WNK4: variants seen among roughly 807,000 people sequenced by gnomAD.
The protein encoded by WNK4 is serine/threonine-protein kinase WNK4.
WNK4 carries 94 observed loss-of-function variants against 116.2 expected under a neutral mutation model. The ratio of observed to expected loss-of-function variants is 0.81; its 90% CI spans 0.68 to 0.96. The LOEUF (loss-of-function observed/expected upper bound fraction) is 0.96. Among genes scored for constraint, WNK4 ranks in the 40% least tolerant of loss-of-function variants. WNK4 has a pLI of 0.00. For synonymous variants in WNK4, 655 were observed against 672.7 expected, an observed-to-expected ratio of 0.97 and a Z score of 0.41; for missense variants, 1,542 against 1,650.6, an observed-to-expected ratio of 0.93 and a Z score of 1.14.
Position 42,787,876 on chromosome 17 carries a change from G to T in WNK4, c.1840G>T (p.Glu614Ter). ...PPGGVPSSLA[E>*]SHLCLPSAFA... ...TGGGGGGGTGCCATCCAGCCTGGCT[G>T]AGTCCCATCTCTGCCTGCCCTCGGT... The change falls in exon 8 of 19, where the codon GAG becomes TAG. Residue 614 changes from glutamate to a stop codon, truncating the protein, a stop_gained. Transcript: ENST00000246914. LOFTEE classifies it high-confidence loss of function. 6.2e-7 allele frequency: 1 copy of T among 1,611,188 alleles called. No homozygotes were observed.
At chr17:42,788,483 C>A in intron 10 of WNK4, 76 bp downstream of exon 10, 1 of 1,479,432 alleles carries the variant, frequency 6.8e-7, no homozygotes, top group Non-Finnish European at 9.4e-7. Flanking sequence ...CGGGGGAGGT[C>A]ACCCAGAAAA....
intron 1 of WNK4, 70 bp downstream of exon 1, chr17:42,781,386 G>A (rs2054482210): frequency 1.2e-6 from 2 of 1,600,542 alleles, no homozygotes; most frequent in Non-Finnish European, 1.7e-6. Context: ...ACAGACAGAG[G>A]GTGGGGGAGA....
Position 42,795,873 on chromosome 17 carries a change from G to A in WNK4, c.3271G>A (p.Gly1091Arg). 1.2e-6 allele frequency: 2 copies of A among 1,612,480 alleles called. No individual in the cohort carries two copies. The highest frequency in any genetic ancestry group is 1.7e-6 in the Non-Finnish European group (2 of 1,179,042). Residue 1091 changes from glycine (G) to arginine (R), a missense_variant, in exon 16 of 19, where the codon GGG (glycine) becomes AGG (arginine). Gly to Arg is a moderately radical substitution (Grantham distance 125). Around this residue, in one of 7 missense-constraint regions of WNK4, gnomAD observed 292 missense variants for 290.1 expected, o/e 1.01. Coordinates refer to ENST00000246914, the MANE Select transcript of WNK4 (RefSeq NM_032387.5). ...GAGVEEEGDD[G>R]KEPQVGGSPQ... ...TGGAGTTGAGGAGGAAGGAGATGAT[G>A]GGAAGGAACCCCAAGTTGGGGGCAG...
Position 42,784,150 on chromosome 17 carries a change from T to C in WNK4, c.1005T>C (p.Ser335=). The C allele has an allele frequency of 6.2e-7, 1 of 1,605,380 alleles. No individual in the cohort carries two copies. The highest frequency in any genetic ancestry group is 2.2e-5 in the East Asian group (1 of 44,862). The change falls in exon 3 of 19, where the codon AGT becomes AGC. Residue 335 remains serine, a synonymous_variant. Transcript: ENST00000246914. The surrounding 1 kb of genome is among the most constrained non-coding windows in gnomAD (Gnocchi z 4.4). The part of the protein sequence containing the change: ...ATLKRASFAK[S]VIGTPEFMAP... ...TCAAGCGCGCCTCCTTTGCCAAGAGTGTCATCGGTGCGTCTCTCCAGGAGG... is the reference window on the plus strand; with the variant it reads ...TCAAGCGCGCCTCCTTTGCCAAGAGCGTCATCGGTGCGTCTCTCCAGGAGG...
In WNK4 at chr17:42,796,593, A is replaced by C; in HGVS notation, c.3729+15A>C. On this transcript the variant is annotated intron_variant, in intron 18 of 18. Transcript: ENST00000246914. ...TTGGCAGGATGGTGAGGGCGGGCCC[A>C]AGGGAGGGAGAGCCCAGGGAATGGT... 1 of 1,614,206 alleles carries C rather than the reference A, an allele frequency of 6.2e-7. No individual in the cohort carries two copies. The highest frequency in any genetic ancestry group is 8.5e-7 in the Non-Finnish European group (1 of 1,180,022).
rs184487670 is a variant in WNK4, at chr17:42,793,207, G to A, written c.2158-385G>A. Among the ~76,000 whole-genome samples, 180 of 152,188 alleles carry A rather than the reference G, an allele frequency of 1.2e-3. 2 individuals are homozygous for A. The highest frequency in any genetic ancestry group is 4.1e-3 in the East Asian group (21 of 5,182). ...TGGTGGTTGGCAGGAGCAGTAGTGT[G>A]AAGGGTGGATTTTTTATTTTTATTT... is the stretch of plus-strand genomic sequence containing the variant. On this transcript the variant is annotated intron_variant, in intron 11 of 18. Coordinates refer to ENST00000246914, the MANE Select transcript of WNK4 (RefSeq NM_032387.5).
At position 42,795,804 on chromosome 17, in the gene WNK4, G is replaced by T. The variant is rs1369972726; in HGVS notation, c.3202G>T (p.Glu1068Ter). The change falls in exon 16 of 19, where the codon GAA (glutamate) becomes TAA (stop). Residue 1068 changes from glutamate (E) to a stop codon, truncating the protein, a stop_gained. Transcript: ENST00000246914. LOFTEE classifies it high-confidence loss of function. ...DSAGGGPETR[E>*]ALAESDRAAE... ...TGCTGGAGGCGGGCCAGAGACCAGG[G>T]AAGCTCTGGCTGAGAGCGACCGTGC... 1 of 1,613,884 alleles carries T rather than the reference G, an allele frequency of 6.2e-7. No homozygotes were observed. The highest frequency in any genetic ancestry group is 8.5e-7 in the Non-Finnish European group (1 of 1,180,026).
intron 11 of WNK4, among the ~76,000 whole-genome samples, chr17:42,792,763 C>A (rs572211282): frequency 1.3e-5 from 2 of 152,294 alleles, no homozygotes; most frequent in African/African-American, 4.8e-5. Context: ...AATAAGTATT[C>A]ATGGATTTGA....
rs748262281 is a variant in WNK4 at position 42,787,913 on chromosome 17, G to A, written c.1863+14G>A. 1.1e-5 allele frequency: 17 copies of A among 1,607,958 alleles called. No individual in the cohort carries two copies. The highest frequency in any genetic ancestry group is 2.7e-5 in the African/African-American group (2 of 74,900). ...TGCCTGCCCTCGGTGAGAGGGGGTC[G>A]CATGGGGGGCTCCCAGCCATTCCAA... On this transcript the variant is annotated intron_variant, in intron 8 of 18. Transcript: ENST00000246914.
At position 42,784,211 on chromosome 17, in the gene WNK4, G is replaced by T; in HGVS notation, c.1012+54G>T. 1.3e-6 allele frequency: 2 copies of T among 1,597,980 alleles called. No homozygotes were observed. Among genetic ancestry groups the T allele is most frequent in the South Asian group, 1.1e-5 (1 of 90,876 alleles). ...TTCCTTCCTCCCCCACCTCAGAAGA[G>T]AACCTGGGGACTCCCTCCCCTCAGC... On this transcript the variant is annotated intron_variant, in intron 3 of 18. Transcript: ENST00000246914. This position sits in a 1 kb window ranked among gnomAD's most constrained non-coding sequence, Gnocchi z 4.4.
chr17:42,785,423 G>A lies in WNK4; in HGVS notation c.1417G>A (p.Ala473Thr), dbSNP rs2054537256. The A allele has an allele frequency of 6.4e-7, 1 of 1,563,668 alleles. No individual in the cohort carries two copies. The highest frequency in any genetic ancestry group is 8.7e-7 in the Non-Finnish European group (1 of 1,153,676). The change falls in exon 6 of 19, where the codon GCC (alanine) becomes ACC (threonine). Residue 473 changes from alanine to threonine, a missense_variant. Around this residue, in one of 7 missense-constraint regions of WNK4, gnomAD observed 808 missense variants for 873.6 expected, o/e 0.92. Transcript: ENST00000246914. ...RRGGRPRDNQ[A>T]IEFLFQLGRD... ...CGGGGGGCGCCCACGGGACAACCAG[G>A]CCATCGAGTTCCTGTTCCAGCTGGG...
rs776938557 is a variant in WNK4, at chr17:42,784,001, CGG to C, written c.859_860del (p.Gly287ThrfsTer67). 2 of 1,614,068 alleles carry C rather than the reference CGG, an allele frequency of 1.2e-6. No individual in the cohort carries two copies. Among genetic ancestry groups the C allele is most frequent in the South Asian group, 2.2e-5 (2 of 91,080 alleles). ...VLQRWSRQILRGLHFLHSRVP... is the reference protein window; with the variant it reads ...VLQRWSRQILXGLHFLHSRVP... ...TCAGCGCTGGAGCCGCCAAATCCTG[CGG>C]GGACTTCATTTCCTACACTCCCGGG... On this transcript the variant is annotated frameshift_variant, in exon 3 of 19. Transcript: ENST00000246914. LOFTEE classifies it high-confidence loss of function. The surrounding 1 kb of genome is among the most constrained non-coding windows in gnomAD (Gnocchi z 4.4).
chr17:42,795,610 CTCG>C lies in WNK4; in HGVS notation c.3023-11_3023-9del. Reference sequence around the variant, plus strand: ...GCTCTCCTTTCCTCATGCCTTCTTCCTCGTCGCCCTACAGAGGGAAAGCCGCAG... The same window carrying C: ...GCTCTCCTTTCCTCATGCCTTCTTCCTCGCCCTACAGAGGGAAAGCCGCAG... On this transcript the variant is annotated splice_polypyrimidine_tract_variant and intron_variant, in intron 15 of 18. Transcript: ENST00000246914. 1 of 1,614,088 alleles carries C rather than the reference CTCG, an allele frequency of 6.2e-7. No homozygotes were observed. Among genetic ancestry groups the C allele is most frequent in the South Asian group, 1.1e-5 (1 of 91,086 alleles).
chr17:42,787,777 G>A lies in WNK4; in HGVS notation c.1742-1G>A, dbSNP rs753483211. ...TTTTGATCCTCTCCCTCCCCAACCA[G>A]CGGATTGCGAGACTGATGGCTACCT... On this transcript the variant is annotated splice_acceptor_variant, in intron 7 of 18. Coordinates refer to ENST00000246914, the MANE Select transcript of WNK4 (RefSeq NM_032387.5). LOFTEE classifies it high-confidence loss of function. 1 of 1,611,798 alleles carries A rather than the reference G, an allele frequency of 6.2e-7. No individual in the cohort carries two copies. The highest frequency in any genetic ancestry group is 8.5e-7 in the Non-Finnish European group (1 of 1,180,008).
Position 42,785,134 on chromosome 17 carries a change from C to T in WNK4, c.1208C>T (p.Pro403Leu). 1 of 1,613,886 alleles carries T rather than the reference C, an allele frequency of 6.2e-7. No individual in the cohort carries two copies. The highest frequency in any genetic ancestry group is 8.5e-7 in the Non-Finnish European group (1 of 1,179,946). Residue 403 changes from proline to leucine, a missense_variant, in exon 5 of 19, where the codon CCC (proline) becomes CTC (leucine). Physicochemically the swap from Pro to Leu is moderately conservative, Grantham distance 98 (BLOSUM62 -3). Around this residue, in one of 7 missense-constraint regions of WNK4, gnomAD observed 808 missense variants for 873.6 expected, o/e 0.92. Coordinates refer to ENST00000246914, the MANE Select transcript of WNK4 (RefSeq NM_032387.5). ...KPNSFHKVKI[P>L]EVKEIIEGCI... Reference sequence around the variant, plus strand: ...AACAGCTTCCACAAGGTGAAGATACCCGAGGTGAAGGAGATCATTGAAGGC... The same window carrying T: ...AACAGCTTCCACAAGGTGAAGATACTCGAGGTGAAGGAGATCATTGAAGGC...
chr17:42,785,078 C>T lies in WNK4; in HGVS notation c.1171-19C>T. ...CTGGGGATCAGAGGACGGGAGGTGT[C>T]ATGCAACCCCTTCCCCAGGGCAGAA... On this transcript the variant is annotated intron_variant, in intron 4 of 18. Transcript: ENST00000246914. The T allele has an allele frequency of 6.2e-7, 1 of 1,608,108 alleles. No homozygotes were observed. Among genetic ancestry groups the T allele is most frequent in the Non-Finnish European group, 8.5e-7 (1 of 1,177,694 alleles).
chr17:42,794,644 G>A lies in WNK4; in HGVS notation c.2326G>A (p.Val776Ile), dbSNP rs200438705. 38 of 1,613,564 alleles carry A rather than the reference G, an allele frequency of 2.4e-5. No individual in the cohort carries two copies. In the African/African-American group the frequency reaches 2.5e-4, roughly 11 times the overall value. Residue 776 changes from valine to isoleucine, a missense_variant, in exon 13 of 19, where the codon GTC becomes ATC. Val to Ile is a conservative substitution (Grantham distance 29, BLOSUM62 3). Coordinates refer to ENST00000246914, the MANE Select transcript of WNK4 (RefSeq NM_032387.5). ...EEPAPLPALP[V>I]PLPDPSNEEL... is the part of the protein sequence containing the mutation. ...GCCAGCACCATTACCTGCCCTGCCC[G>A]TCCCCCTCCCAGACCCATCCAATGG...
chr17:42,782,652 C>A lies in WNK4; in HGVS notation c.619-106C>A. ...AGTAATCCCATTAACCCCACCCCAT[C>A]TGTGGGCTCCAACCCTCACCTCTTC... On this transcript the variant is annotated intron_variant, in intron 1 of 18. Transcript: ENST00000246914. This position sits in a 1 kb window ranked among gnomAD's most constrained non-coding sequence, Gnocchi z 4.2. 1.5e-6 allele frequency: 2 copies of A among 1,320,748 alleles called. No homozygotes were observed. The highest frequency in any genetic ancestry group is 2.1e-6 in the Non-Finnish European group (2 of 942,896). The allele number at this position is 1,320,748 out of a possible 1,614,324, so 81.8% of individuals were successfully genotyped here.
chr17:42,796,597 G>T lies in WNK4; in HGVS notation c.3729+19G>T. ...CAGGATGGTGAGGGCGGGCCCAAGGGAGGGAGAGCCCAGGGAATGGTACCT... is the reference window on the plus strand; with the variant it reads ...CAGGATGGTGAGGGCGGGCCCAAGGTAGGGAGAGCCCAGGGAATGGTACCT... On this transcript the variant is annotated intron_variant, in intron 18 of 18. Transcript: ENST00000246914. 1 of 1,614,236 alleles carries T rather than the reference G, an allele frequency of 6.2e-7. No homozygotes were observed. Among genetic ancestry groups the T allele is most frequent in the Non-Finnish European group, 8.5e-7 (1 of 1,180,036 alleles).
Sources: allele counts gnomAD v4.1 joint callset (sites outside exome capture counted in the v4.1 genomes callset), GRCh38; gene constraint gnomAD v4.1.1; regional missense constraint gnomAD v4.1.1; non-coding constraint Gnocchi (gnomAD v3.1); transcripts MANE v1.5; gene names NCBI Gene and HGNC (gene_info 2026-07-23, HGNC 2026-07-21).